The following ANO1 variants were observed in gnomAD, a reference collection of about 807,000 sequenced individuals.
ANO1 encodes anoctamin-1.
Under a neutral mutation model 124.0 loss-of-function variants are expected in ANO1, and 59 were observed. The observed-to-expected ratio is 0.48, with a 90% confidence interval of 0.39 to 0.59. ANO1 has a LOEUF of 0.59. Among genes scored for constraint, ANO1 ranks in the 20% least tolerant of loss-of-function variants. The pLI is 0.00. For synonymous variants in ANO1, 529 were observed against 532.0 expected (o/e 0.99, Z 0.08); for missense variants, 1,059 against 1,328.0 (o/e 0.80, Z 3.15).
At chr11:70,168,792 C>G (rs539981256) in intron 21 of ANO1, among the ~76,000 whole-genome samples, 1 of 152,274 alleles carries the variant, frequency 6.6e-6, no homozygotes, top group Admixed American at 6.5e-5. Flanking sequence ...GGGAGCGTTT[C>G]TGTTTAATTT....
chr11:70,093,647 C>T (rs1032573430), intron 2 of ANO1, among the ~76,000 whole-genome samples: 7 of 152,202 alleles, frequency 4.6e-5, no homozygotes, highest in African/African-American at 1.4e-4. Flanking sequence ...GCTTTCATGT[C>T]GCTGCCCAGG....
At chr11:70,184,679 T>C (rs1388244400) in intron 24 of ANO1, among the ~76,000 whole-genome samples, 2 of 152,200 alleles carry the variant, frequency 1.3e-5, no homozygotes, top group African/African-American at 4.8e-5. Context: ...TTCGCAAATG[T>C]TTGATAAACT....
intron 11 of ANO1, among the ~76,000 whole-genome samples, chr11:70,134,555 C>A (rs1185610777): frequency 6.6e-6 from 1 of 152,204 alleles, no homozygotes; most frequent in East Asian, 1.9e-4. Flanking sequence ...AATAGGTGGT[C>A]ACTGCCGTCT....
chr11:70,111,825 A>C (rs2045793401), intron 7 of ANO1, 63 bp downstream of exon 7: 1 of 1,550,336 alleles, frequency 6.5e-7, no homozygotes, highest in South Asian at 1.1e-5. Context: ...CCGCCGGGCC[A>C]CACCCCCCCG....
the ANO1 span, among the ~76,000 whole-genome samples, chr11:69,971,403 G>A: frequency 1.3e-5 from 2 of 152,192 alleles, no homozygotes; most frequent in East Asian, 1.9e-4. Context: ...TGCCTGGCAC[G>A]TGGTCTGTGT....
At chr11:70,125,715 G>A (rs2046479775) in intron 9 of ANO1, among the ~76,000 whole-genome samples, 1 of 150,322 alleles carries the variant, frequency 6.7e-6, no homozygotes, top group South Asian at 2.1e-4. Flanking sequence ...GTGGTGGCGG[G>A]CTCCTGTAGT....
intron 1 of ANO1, among the ~76,000 whole-genome samples, chr11:70,047,704 T>C (rs1401345467): frequency 6.6e-6 from 1 of 152,230 alleles, no homozygotes; most frequent in Non-Finnish European, 1.5e-5. Context: ...ATTTTGATGA[T>C]TGCATAATAA....
chr11:70,124,436 C>A, intron 9 of ANO1, 22 bp downstream of exon 9: 1 of 1,612,186 alleles, frequency 6.2e-7, no homozygotes. Context: ...CCACAGCCTG[C>A]GGGAATCAAG....
At chr11:70,001,458 C>G (rs192294060) in intron 1 of ANO1, among the ~76,000 whole-genome samples, 1 of 152,186 alleles carries the variant, frequency 6.6e-6, no homozygotes, top group Admixed American at 6.5e-5. Flanking sequence ...GGATGACTAT[C>G]CCATGCTCCC....
chr11:70,162,402 G>A (rs1352470142), intron 18 of ANO1, among the ~76,000 whole-genome samples: 2 of 152,152 alleles, frequency 1.3e-5, no homozygotes, highest in East Asian at 3.9e-4. Flanking sequence ...AGCTCCAGGT[G>A]CTCCCACGGC....
intron 1 of ANO1, among the ~76,000 whole-genome samples, chr11:70,080,158 A>G (rs2509124): frequency 0.41 from 63,100 of 152,192 alleles, 13,246 homozygotes; most frequent in Admixed American, 0.5. Flanking sequence ...GGACTATTCC[A>G]TAGTGCTGGG....
At chr11:70,068,836 C>A (rs74739020) in intron 1 of ANO1, among the ~76,000 whole-genome samples, 17,080 of 152,150 alleles carry the variant, frequency 0.11, 1,179 homozygotes, top group Admixed American at 0.19. Flanking sequence ...TCTGTTTGGT[C>A]CCCAAGCTAA....
chr11:70,028,859 G>A (rs782529188), intron 1 of ANO1, among the ~76,000 whole-genome samples: 1 of 152,136 alleles, frequency 6.6e-6, no homozygotes, highest in African/African-American at 2.4e-5. Flanking sequence ...TCAACTCACT[G>A]CAACCTCTGC....
chr11:70,171,311 T>A (rs1217261291), intron 22 of ANO1, among the ~76,000 whole-genome samples: 1 of 152,122 alleles, frequency 6.6e-6, no homozygotes, highest in Non-Finnish European at 1.5e-5. Context: ...CTCAACAACC[T>A]GCTGCTTTAG....
chr11:69,988,741 G>A (rs117699110), intron 1 of ANO1, among the ~76,000 whole-genome samples: 2 of 152,208 alleles, frequency 1.3e-5, no homozygotes, highest in East Asian at 1.9e-4. Context: ...CTCCCACAAG[G>A]GCAGGTGGAG....
the ANO1 span, among the ~76,000 whole-genome samples, chr11:69,973,633 G>A: frequency 6.6e-6 from 1 of 152,036 alleles, no homozygotes; most frequent in African/African-American, 2.4e-5. Context: ...CCGCACTTTG[G>A]GAGGCCGAAG....
chr11:70,056,919 C>A (rs1857449549), intron 1 of ANO1, among the ~76,000 whole-genome samples: 1 of 149,382 alleles, frequency 6.7e-6, no homozygotes, highest in Non-Finnish European at 1.5e-5. Flanking sequence ...TCTGTCTAAT[C>A]TGCAGTTATA....
intron 16 of ANO1, among the ~76,000 whole-genome samples, chr11:70,160,345 C>G: frequency 6.6e-6 from 1 of 151,854 alleles, no homozygotes; most frequent in Non-Finnish European, 1.5e-5. Flanking sequence ...GGCATCCACA[C>G]CCCTGGGCAG....
At chr11:70,085,437 C>T (rs2044334245) in intron 1 of ANO1, 1 of 1,534,022 alleles carries the variant, frequency 6.5e-7, no homozygotes, top group East Asian at 2.4e-5. Context: ...CCAGGTCCTC[C>T]TGAAGGTCAC....
Sources: allele counts gnomAD v4.1 joint callset (sites outside exome capture counted in the v4.1 genomes callset), GRCh38; gene constraint gnomAD v4.1.1; transcripts MANE v1.5; gene names NCBI Gene and HGNC (gene_info 2026-07-23, HGNC 2026-07-21).